LANCL2: variants seen among roughly 807,000 people sequenced by gnomAD.
LANCL2 encodes the protein lanC-like protein 2.
A neutral mutation model predicts 56.9 loss-of-function variants in LANCL2; 33 were observed. That is an observed-to-expected ratio of 0.58 (90% CI 0.44 to 0.78). LANCL2 has a LOEUF of 0.78. Ranked by LOEUF, LANCL2 falls within the 30% of genes least tolerant of loss-of-function variation. The pLI is 0.00. For synonymous variants in LANCL2, 233 were observed against 228.2 expected (o/e 1.02, Z -0.19); for missense variants, 562 against 580.2 (o/e 0.97, Z 0.32).
At chr7:55,415,139 C>T (rs1033759759) in intron 6 of LANCL2, among the ~76,000 whole-genome samples, 2 of 152,100 alleles carry the variant, frequency 1.3e-5, no homozygotes, top group Middle Eastern at 3.2e-3. Flanking sequence ...CTTCTATTCA[C>T]GTTTTGAGTT....
intron 1 of LANCL2, among the ~76,000 whole-genome samples, chr7:55,383,894 C>T (rs1016145362): frequency 6.6e-6 from 1 of 152,134 alleles, no homozygotes; most frequent in Admixed American, 6.6e-5. Context: ...TCAGCCAACA[C>T]CCAGGAATAA....
At chr7:55,415,434 T>C (rs1013832604) in intron 6 of LANCL2, among the ~76,000 whole-genome samples, 2 of 152,178 alleles carry the variant, frequency 1.3e-5, no homozygotes, top group African/African-American at 2.4e-5. Context: ...TTCATACAAA[T>C]TCTGTTCCCG....
In LANCL2 at chr7:55,394,916, A is replaced by ATGGCTTGCGGAGAAGCAGGTT. The variant is rs1790232065; in HGVS notation, c.322+3008_322+3028dup. ...GGGGTTGGAGAGCTGTAGAACAGGC[A>ATGGCTTGCGGAGAAGCAGGTT]TGGCTTGCGGAGAAGCAGGTTTAGC... On this transcript the variant is annotated intron_variant, in intron 2 of 8. Coordinates refer to ENST00000254770, the MANE Select transcript of LANCL2 (RefSeq NM_018697.4). Among the ~76,000 whole-genome samples the ATGGCTTGCGGAGAAGCAGGTT allele has an allele frequency of 2.0e-5, 3 of 152,202 alleles. No individual in the cohort carries two copies. The South Asian group carries it at 6.2e-4, about 31-fold the overall frequency.
intron 5 of LANCL2, among the ~76,000 whole-genome samples, chr7:55,409,769 T>G (rs996004074): frequency 3.9e-5 from 6 of 152,228 alleles, no homozygotes; most frequent in Admixed American, 3.3e-4. Flanking sequence ...AGAGACTTTT[T>G]ACAGAGCTGT....
At chr7:55,386,254 G>A (rs1365132330) in intron 1 of LANCL2, among the ~76,000 whole-genome samples, 10 of 152,308 alleles carry the variant, frequency 6.6e-5, no homozygotes, top group Non-Finnish European at 1.0e-4. Context: ...ATATTGATTG[G>A]GGAAGTGATA....
chr7:55,401,071 CCT>C (rs893514976), intron 4 of LANCL2, 101 bp from the exon 5 acceptor site: 77 of 820,992 alleles, frequency 9.4e-5, no homozygotes, highest in Middle Eastern at 2.5e-4. Context: ...AAGGCTTCTG[CCT>C]CTCTCTCTAT....
chr7:55,402,692 C>T (rs558813829), intron 5 of LANCL2, among the ~76,000 whole-genome samples: 1,560 of 112,998 alleles, frequency 0.014, 170 homozygotes, highest in African/African-American at 0.048. Flanking sequence ...GCTGGCCGGG[C>T]GGGGGGCTGA....
intron 5 of LANCL2, among the ~76,000 whole-genome samples, chr7:55,402,168 G>A (rs1196727026): frequency 6.6e-6 from 1 of 150,764 alleles, no homozygotes; most frequent in Non-Finnish European, 1.5e-5. Context: ...GCCGGGCAGA[G>A]GGGCTCCTCA....
At chr7:55,367,669 G>A (rs1789890785) in intron 1 of LANCL2, among the ~76,000 whole-genome samples, 1 of 152,206 alleles carries the variant, frequency 6.6e-6, no homozygotes, top group East Asian at 1.9e-4. Flanking sequence ...AGGTTGCAGT[G>A]AGTGGAGATT....
chr7:55,429,439 G>A (rs895171980), intron 8 of LANCL2, among the ~76,000 whole-genome samples: 1 of 152,206 alleles, frequency 6.6e-6, no homozygotes, highest in Admixed American at 6.5e-5. Context: ...TTACGTACAT[G>A]TGGTGAAATG....
At chr7:55,391,419 C>T (rs1216697273) in intron 1 of LANCL2, among the ~76,000 whole-genome samples, 1 of 152,038 alleles carries the variant, frequency 6.6e-6, no homozygotes, top group Admixed American at 6.6e-5. Context: ...TGATTTATAT[C>T]TTATATTCTA....
intron 1 of LANCL2, among the ~76,000 whole-genome samples, chr7:55,369,924 G>A (rs1301389603): frequency 6.6e-6 from 1 of 152,212 alleles, no homozygotes; most frequent in Non-Finnish European, 1.5e-5. Context: ...AAAGGCCCCT[G>A]TGATTAGCTC....
At chr7:55,387,248 C>T (rs763605154) in intron 1 of LANCL2, among the ~76,000 whole-genome samples, 20 of 152,150 alleles carry the variant, frequency 1.3e-4, no homozygotes, top group Middle Eastern at 3.4e-3. Context: ...CAGTGTGAGA[C>T]GTTTTTGATT....
chr7:55,418,642 TTA>T (rs1790571794), intron 6 of LANCL2, among the ~76,000 whole-genome samples: 6 of 152,242 alleles, frequency 3.9e-5, no homozygotes. Flanking sequence ...TTTACCTCTT[TTA>T]TTACATTGGT....
chr7:55,401,632 GGT>G (rs2128993826), intron 5 of LANCL2, among the ~76,000 whole-genome samples: 1 of 122,806 alleles, frequency 8.1e-6, no homozygotes, highest in South Asian at 2.8e-4. Context: ...GTGGAGGGAA[GGT>G]CAGCAGATAA....
At position 55,415,621 on chromosome 7, in the gene LANCL2, C is replaced by CTTTTTTTTTTTTTTT. The variant is rs71031852; in HGVS notation, c.1008+3540_1008+3541insTTTTTTTTTTTTTTT. ...CCATAGTTTATCATTGTTTTTCTTT[C>CTTTTTTTTTTTTTTT]TTTTTTTTGAGACACAGTGTCGCTC... is the stretch of plus-strand genomic sequence containing the variant. On this transcript the variant is annotated intron_variant, in intron 6 of 8. Transcript: ENST00000254770. Among the ~76,000 whole-genome samples the CTTTTTTTTTTTTTTT allele has an allele frequency of 1.4e-4, 16 of 111,770 alleles. 1 individual carries two copies. The highest frequency in any genetic ancestry group is 2.8e-4 in the East Asian group (1 of 3,574). 73.3% of individuals were successfully genotyped at this position (111,770 alleles called of 152,430 possible).
intron 1 of LANCL2, among the ~76,000 whole-genome samples, chr7:55,367,651 G>T (rs922088556): frequency 6.6e-6 from 1 of 152,188 alleles, no homozygotes; most frequent in Non-Finnish European, 1.5e-5. Flanking sequence ...CTTGAGCCTC[G>T]GAGGTCGAGG....
intron 8 of LANCL2, among the ~76,000 whole-genome samples, chr7:55,430,574 A>G (rs1790716682): frequency 1.3e-5 from 2 of 152,150 alleles, no homozygotes; most frequent in African/African-American, 4.8e-5. Context: ...CATTTTACAA[A>G]CCTCAGAGAA....
At position 55,412,034 on chromosome 7, in the gene LANCL2, T is replaced by C; in HGVS notation, c.953T>C (p.Val318Ala). 6.2e-7 allele frequency: 1 copy of C among 1,607,982 alleles called. No homozygotes were observed. The highest frequency in any genetic ancestry group is 2.3e-5 in the East Asian group (1 of 44,382). ...SSLSNETDRLVHWCHGAPGVI... is the reference protein window; with the variant it reads ...SSLSNETDRLAHWCHGAPGVI... ...TTAAGCAATGAAACAGACCGGCTGG[T>C]GCACTGGTGCCACGGCGCCCCGGGG... Residue 318 changes from valine to alanine, a missense_variant, in exon 6 of 9, where the codon GTG becomes GCG. Physicochemically the swap from Val to Ala is moderately conservative, Grantham distance 64 (BLOSUM62 0). Around this residue, in one of 2 missense-constraint regions of LANCL2, gnomAD observed 378 missense variants for 468.4 expected, o/e 0.81. Transcript: ENST00000254770.
Sources: allele counts gnomAD v4.1 joint callset (sites outside exome capture counted in the v4.1 genomes callset), GRCh38; gene constraint gnomAD v4.1.1; regional missense constraint gnomAD v4.1.1; transcripts MANE v1.5; gene names NCBI Gene and HGNC (gene_info 2026-07-23, HGNC 2026-07-21).